IQANK1: variants seen among roughly 807,000 people sequenced by gnomAD.
IQANK1 encodes IQ motif and ankyrin repeat domain-containing protein 1.
A neutral mutation model predicts 22.6 loss-of-function variants in IQANK1; 30 were observed. The observed-to-expected ratio is 1.33, with a 90% CI of 0.99 to 1.80. The LOEUF (loss-of-function observed/expected upper bound fraction) is 1.80. IQANK1 is among the 40% of genes most tolerant of loss of function. IQANK1 has a pLI of 0.00. For synonymous variants in IQANK1, 122 were observed against 99.6 expected, an observed-to-expected ratio of 1.23 and a Z score of -1.34; for missense variants, 275 against 235.2, an observed-to-expected ratio of 1.17 and a Z score of -1.11.
chr8:143,738,977 TG>T (rs1318341806), intron 2 of IQANK1, among the ~76,000 whole-genome samples: 1 of 152,170 alleles, frequency 6.6e-6, no homozygotes, highest in Non-Finnish European at 1.5e-5. Context: ...TTCGGGCCAC[TG>T]CACTGCGGCT....
chr8:143,747,826 A>G (rs1161430857), intron 3 of IQANK1, among the ~76,000 whole-genome samples: 7 of 152,034 alleles, frequency 4.6e-5, no homozygotes, highest in Non-Finnish European at 8.8e-5. Context: ...AAAATATCCC[A>G]TGTACACTTG....
At chr8:143,773,050 A>C (rs1303469216) in intron 7 of IQANK1, among the ~76,000 whole-genome samples, 1 of 152,212 alleles carries the variant, frequency 6.6e-6, no homozygotes, top group African/African-American at 2.4e-5. Flanking sequence ...TCACACCTGT[A>C]ATCTCAGCAC....
rs1462176273 is a variant in IQANK1, at chr8:143,773,172, T to G, written c.789+690T>G. Among the ~76,000 whole-genome samples, 27 of 152,018 alleles carry G rather than the reference T, an allele frequency of 1.8e-4. 1 individual carries two copies. Among genetic ancestry groups the G allele is most frequent in the Non-Finnish European group, 4.4e-5 (3 of 68,006 alleles). ...AGATACAAAAATTAGCTGGGCGTCG[T>G]GGCGCACGCCTGTAGTCCCAGCTAC... On this transcript the variant is annotated intron_variant, in intron 7 of 13. Coordinates refer to ENST00000527139, the MANE Select transcript of IQANK1 (RefSeq NM_001381874.1).
Position 143,772,909 on chromosome 8 carries a change from C to T in IQANK1, c.789+427C>T, listed in dbSNP as rs578147259. Among the ~76,000 whole-genome samples the T allele has an allele frequency of 2.7e-4, 41 of 152,348 alleles. No individual in the cohort carries two copies. The East Asian group carries it at 7.1e-3, about 27-fold the overall frequency. On this transcript the variant is annotated intron_variant, in intron 7 of 13. Transcript: ENST00000527139. ...TGGGGGCAGCACGGGGCCCACCCAT[C>T]GGTCCCCTCACTGTCAGTACGTCGG...
intron 7 of IQANK1, among the ~76,000 whole-genome samples, chr8:143,782,278 C>T (rs1819809159): frequency 6.6e-6 from 1 of 152,100 alleles, no homozygotes; most frequent in South Asian, 2.1e-4. Flanking sequence ...GTTTGACTTC[C>T]TCTCATTCTA....
chr8:143,753,763 A>T (rs1554628279), intron 3 of IQANK1, among the ~76,000 whole-genome samples: 1 of 151,996 alleles, frequency 6.6e-6, no homozygotes, highest in Non-Finnish European at 1.5e-5. Flanking sequence ...CTTTTCAGAG[A>T]TAGTTTCTGT....
At chr8:143,739,710 TC>T (rs1818847540) in intron 2 of IQANK1, 148 bp from the exon 3 acceptor site, 1 of 572,824 alleles carries the variant, frequency 1.7e-6, no homozygotes, top group South Asian at 2.2e-5. Flanking sequence ...CTTAAGGTTG[TC>T]CGTGTGCTTC....
intron 7 of IQANK1, among the ~76,000 whole-genome samples, chr8:143,779,296 ATTAT>A (rs1819750369): frequency 6.6e-6 from 1 of 152,216 alleles, no homozygotes; most frequent in Admixed American, 6.5e-5. Flanking sequence ...TTGACAGAAA[ATTAT>A]GAGAAAGCAA....
At chr8:143,762,011 A>C (rs782384591) in intron 3 of IQANK1, among the ~76,000 whole-genome samples, 18 of 152,184 alleles carry the variant, frequency 1.2e-4, no homozygotes, top group Non-Finnish European at 2.2e-4. Flanking sequence ...GTGTGTCTAC[A>C]AAGTGTGATT....
chr8:143,755,469 T>A (rs1554628393), intron 3 of IQANK1, among the ~76,000 whole-genome samples: 2 of 152,150 alleles, frequency 1.3e-5, no homozygotes, highest in African/African-American at 4.8e-5. Flanking sequence ...GTTCAAGCAA[T>A]TCTTGTGCCT....
chr8:143,767,005 C>T (rs985999727), intron 3 of IQANK1, among the ~76,000 whole-genome samples: 1 of 152,380 alleles, frequency 6.6e-6, no homozygotes, highest in Middle Eastern at 3.4e-3. Context: ...GGGGCTGTTT[C>T]TGAACCCACG....
chr8:143,762,655 G>A (rs1819415372), intron 3 of IQANK1, among the ~76,000 whole-genome samples: 1 of 152,192 alleles, frequency 6.6e-6, no homozygotes, highest in African/African-American at 2.4e-5. Flanking sequence ...AATGTTGATT[G>A]AGGAAGGAAA....
At chr8:143,763,648 C>T (rs1554629021) in intron 3 of IQANK1, among the ~76,000 whole-genome samples, 1 of 152,216 alleles carries the variant, frequency 6.6e-6, no homozygotes, top group African/African-American at 2.4e-5. Context: ...GGCACACCTG[C>T]TTCTCCTTTA....
chr8:143,746,858 T>C (rs1454780863), intron 3 of IQANK1, among the ~76,000 whole-genome samples: 1 of 152,126 alleles, frequency 6.6e-6, no homozygotes, highest in Non-Finnish European at 1.5e-5. Flanking sequence ...TCTCTTATGA[T>C]ATTTTTTATT....
At chr8:143,786,334 T>G (rs1245695095) in intron 7 of IQANK1, among the ~76,000 whole-genome samples, 2 of 152,342 alleles carry the variant, frequency 1.3e-5, no homozygotes, top group East Asian at 3.9e-4. Context: ...TCAACCTCAC[T>G]CGGAGGCTAC....
At chr8:143,779,551 G>C (rs1247367659) in intron 7 of IQANK1, among the ~76,000 whole-genome samples, 1 of 139,676 alleles carries the variant, frequency 7.2e-6, no homozygotes, top group Non-Finnish European at 1.7e-5. Flanking sequence ...TTCTCTTATA[G>C]TTTAATTCAT....
chr8:143,764,757 CA>C (rs1819456103), intron 3 of IQANK1, among the ~76,000 whole-genome samples: 2 of 152,120 alleles, frequency 1.3e-5, no homozygotes, highest in African/African-American at 4.8e-5. Flanking sequence ...GTTATAACAG[CA>C]GAGATATTTT....
rs1020229461 is a variant in IQANK1 at position 143,748,510 on chromosome 8, T to C, written c.175+8562T>C. Among the ~76,000 whole-genome samples, 8 of 139,016 alleles carry C rather than the reference T, an allele frequency of 5.8e-5. No individual in the cohort carries two copies. In the South Asian group the frequency reaches 1.3e-3, roughly 22 times the overall value. 91.2% of individuals were successfully genotyped at this position (139,016 alleles called of 152,430 possible). A position where few individuals can be genotyped will look rare whatever the true frequency, so the allele number is the denominator to read the frequency against. ...TATAGATGATATATATGATATATAATATATAAATATAGATGATATATATGA... is the reference window on the plus strand; with the variant it reads ...TATAGATGATATATATGATATATAACATATAAATATAGATGATATATATGA... On this transcript the variant is annotated intron_variant, in intron 3 of 13. Coordinates refer to ENST00000527139, the MANE Select transcript of IQANK1 (RefSeq NM_001381874.1).
chr8:143,776,816 T>C (rs1310084070), intron 7 of IQANK1, among the ~76,000 whole-genome samples: 1 of 152,036 alleles, frequency 6.6e-6, no homozygotes, highest in Non-Finnish European at 1.5e-5. Flanking sequence ...GGCTCAAGGC[T>C]GGGGAAACGG....
Sources: allele counts gnomAD v4.1 joint callset (sites outside exome capture counted in the v4.1 genomes callset), GRCh38; gene constraint gnomAD v4.1.1; transcripts MANE v1.5; gene names NCBI Gene and HGNC (gene_info 2026-07-23, HGNC 2026-07-21).